FBXL20: variants seen among roughly 807,000 people sequenced by gnomAD.
FBXL20 encodes F-box/LRR-repeat protein 20.
A neutral mutation model predicts 64.0 loss-of-function variants in FBXL20; 11 were observed. That is an observed-to-expected ratio of 0.17 (90% CI 0.11 to 0.28). The LOEUF is 0.28. Among genes scored for constraint, FBXL20 ranks in the 10% least tolerant of loss-of-function variants. The pLI is 1.00. For missense variants in FBXL20, 303 were observed against 526.2 expected (o/e 0.58, Z 4.15); for synonymous variants, 184 against 189.0 (o/e 0.97, Z 0.22).
At chr17:39,376,320 T>C (rs1050337238) in intron 1 of FBXL20, among the ~76,000 whole-genome samples, 27 of 152,024 alleles carry the variant, frequency 1.8e-4, no homozygotes, top group African/African-American at 6.5e-4. Context: ...TTGTCAAAAA[T>C]ATTTATAGGC....
chr17:39,340,100 G>T (rs1056732140), intron 2 of FBXL20, among the ~76,000 whole-genome samples: 1 of 152,002 alleles, frequency 6.6e-6, no homozygotes, highest in South Asian at 2.1e-4. Context: ...CTAATTCCTG[G>T]GGTTTTTGTT....
At chr17:39,327,332 G>C (rs1017001785) in intron 2 of FBXL20, among the ~76,000 whole-genome samples, 2 of 152,096 alleles carry the variant, frequency 1.3e-5, no homozygotes, top group Non-Finnish European at 2.9e-5. Context: ...GCTCCAATTA[G>C]ATTTTCTTCA....
intron 2 of FBXL20, among the ~76,000 whole-genome samples, chr17:39,333,695 G>C (rs1567884333): frequency 1.3e-5 from 2 of 152,016 alleles, no homozygotes; most frequent in Non-Finnish European, 2.9e-5. Flanking sequence ...CGTCTAGGAA[G>C]TGAGGAGCGT....
chr17:39,254,604 A>G lies in FBXL20; in HGVS notation c.*6856T>C, dbSNP rs941679837. ...TCTGTTTGACTGGTTAAGTGTGTAG[A>G]AAGTAGGAGCCCTCTTTGCCAGTAA... On this transcript the variant is annotated 3_prime_UTR_variant, in exon 15 of 15. Coordinates refer to ENST00000264658, the MANE Select transcript of FBXL20 (RefSeq NM_032875.3). 6.5e-6 allele frequency: 1 copy of G among 154,342 alleles called. No homozygotes were observed. Among genetic ancestry groups the G allele is most frequent in the African/African-American group, 2.4e-5 (1 of 41,448 alleles). 9.6% of individuals were successfully genotyped at this position (154,342 alleles called of 1,614,324 possible). A position where few individuals can be genotyped will look rare whatever the true frequency, so the allele number is the denominator to read the frequency against.
chr17:39,303,595 T>A lies in FBXL20; in HGVS notation c.149A>T (p.Gln50Leu). Residue 50 changes from glutamine to leucine, a missense_variant, in exon 3 of 15, where the codon CAG (glutamine) becomes CTG (leucine). Physicochemically the swap from Gln to Leu is moderately radical, Grantham distance 113. Around this residue, in one of 3 missense-constraint regions of FBXL20, gnomAD observed 246 missense variants for 422.6 expected, o/e 0.58. Transcript: ENST00000264658. ...GCCAACAATACTTACCCTGGAGACC[T>A]GAGCACAGCGGCACAGGGTAACAAC... ...LDVVTLCRCA[Q>L]VSRAWNVLAL... is the part of the protein sequence containing the mutation. The A allele has an allele frequency of 6.2e-7, 1 of 1,610,806 alleles. No individual in the cohort carries two copies.
intron 1 of FBXL20, among the ~76,000 whole-genome samples, chr17:39,378,994 G>A (rs1158341463): frequency 1.3e-5 from 2 of 150,424 alleles, no homozygotes; most frequent in African/African-American, 4.8e-5. Context: ...TTGGGAGGCC[G>A]AGGCGGGCAG....
chr17:39,376,068 G>A (rs2047964149), intron 1 of FBXL20, among the ~76,000 whole-genome samples: 1 of 152,206 alleles, frequency 6.6e-6, no homozygotes, highest in Middle Eastern at 3.4e-3. Flanking sequence ...GCAATGAGCC[G>A]TGATTGCACC....
At chr17:39,363,833 A>AAC (rs2047827465) in intron 1 of FBXL20, among the ~76,000 whole-genome samples, 1 of 142,676 alleles carries the variant, frequency 7.0e-6, no homozygotes, top group Admixed American at 7.1e-5. Context: ...AAAACAAAAA[A>AAC]CAAAAAAAAA....
chr17:39,381,428 C>T (rs1431243420), intron 1 of FBXL20, among the ~76,000 whole-genome samples: 1 of 132,944 alleles, frequency 7.5e-6, no homozygotes, highest in East Asian at 2.2e-4. Flanking sequence ...TGCAGTGAGA[C>T]AAGATCGTGC....
intron 1 of FBXL20, among the ~76,000 whole-genome samples, chr17:39,369,763 G>C (rs115796587): frequency 6.6e-5 from 10 of 152,084 alleles, no homozygotes; most frequent in African/African-American, 2.4e-4. Context: ...AGCCTCCCCA[G>C]TAGCTGGGAC....
chr17:39,349,841 CAGG>C (rs755087823), intron 1 of FBXL20, among the ~76,000 whole-genome samples: 2 of 151,352 alleles, frequency 1.3e-5, no homozygotes, highest in African/African-American at 4.9e-5. Flanking sequence ...GAGGCTGAGG[CAGG>C]AGAATGGCAT....
intron 2 of FBXL20, among the ~76,000 whole-genome samples, chr17:39,337,398 C>A (rs553032169): frequency 6.6e-6 from 1 of 152,268 alleles, no homozygotes; most frequent in East Asian, 1.9e-4. Flanking sequence ...AGCCTCTGCC[C>A]GGCCGCCACC....
chr17:39,276,969 G>T (rs2046903135), intron 9 of FBXL20, among the ~76,000 whole-genome samples: 1 of 152,100 alleles, frequency 6.6e-6, no homozygotes, highest in Non-Finnish European at 1.5e-5. Context: ...ATCTCAACAT[G>T]GTGGATACTA....
chr17:39,363,282 G>A (rs1032895289), intron 1 of FBXL20, among the ~76,000 whole-genome samples: 1 of 151,780 alleles, frequency 6.6e-6, no homozygotes, highest in African/African-American at 2.4e-5. Context: ...CCAAAGTGCT[G>A]GGATTATGGG....
intron 1 of FBXL20, among the ~76,000 whole-genome samples, chr17:39,398,297 AAAC>A (rs375720467): frequency 6.6e-5 from 10 of 152,092 alleles, no homozygotes; most frequent in South Asian, 2.1e-4. Context: ...AAAAGCAACA[AAAC>A]AACAACAACA....
intron 2 of FBXL20, among the ~76,000 whole-genome samples, chr17:39,339,977 C>T (rs961359385): frequency 6.6e-6 from 1 of 151,400 alleles, no homozygotes; most frequent in East Asian, 2.0e-4. Flanking sequence ...CTCGCTTTGT[C>T]GCCCAGGCTG....
intron 6 of FBXL20, among the ~76,000 whole-genome samples, chr17:39,289,501 A>T (rs2047018089): frequency 6.6e-6 from 1 of 151,870 alleles, no homozygotes; most frequent in Admixed American, 6.6e-5. Context: ...TACCCAAAAT[A>T]GAAAAATTAG....
At chr17:39,333,756 C>T (rs1444971790) in intron 2 of FBXL20, among the ~76,000 whole-genome samples, 21 of 151,668 alleles carry the variant, frequency 1.4e-4, no homozygotes, top group Admixed American at 2.0e-4. Flanking sequence ...TCTGCCCCGC[C>T]GCCCCGTCTG....
intron 2 of FBXL20, among the ~76,000 whole-genome samples, chr17:39,303,888 G>A (rs1457479168): frequency 6.6e-6 from 1 of 152,142 alleles, no homozygotes; most frequent in African/African-American, 2.4e-5. Flanking sequence ...GTTTCACCAT[G>A]TTGCCCAGGC....
Sources: gnomAD v4.1 joint callset for allele counts (sites outside exome capture counted in the v4.1 genomes callset) on GRCh38, gnomAD v4.1.1 for gene constraint, gnomAD v4.1.1 regional missense constraint, MANE v1.5 for transcripts, NCBI Gene and HGNC (gene_info 2026-07-23, HGNC 2026-07-21) for gene names.